ARFGEF2: variants seen among roughly 807,000 people sequenced by gnomAD.
ARFGEF2 encodes brefeldin A-inhibited guanine nucleotide-exchange protein 2.
In ARFGEF2, 74 loss-of-function variants were observed where a neutral mutation model predicts 219.9. The ratio of observed to expected loss-of-function variants is 0.34; its 90% CI spans 0.28 to 0.41. The LOEUF is 0.41. ARFGEF2 is among the 10% of genes least tolerant of loss of function. ARFGEF2 has a pLI of 1.00. For synonymous variants in ARFGEF2, 733 were observed against 799.2 expected (o/e 0.92, Z 1.40); for missense variants, 1,743 against 2,218.3 (o/e 0.79, Z 4.30).
chr20:48,927,508 G>A (rs927042115), intron 1 of ARFGEF2, among the ~76,000 whole-genome samples: 3 of 152,082 alleles, frequency 2.0e-5, no homozygotes, highest in Non-Finnish European at 4.4e-5. Context: ...GGCCAAAATG[G>A]CGAAACCCCA....
At position 49,013,655 on chromosome 20, in the gene ARFGEF2, C is replaced by T. The variant is rs369847284; in HGVS notation, c.4010C>T (p.Ser1337Phe). The T allele has an allele frequency of 1.8e-5, 29 of 1,614,062 alleles. No homozygotes were observed. The highest frequency in any genetic ancestry group is 2.5e-5 in the Non-Finnish European group (29 of 1,180,042). The change falls in exon 29 of 39, where the codon TCC becomes TTC. Residue 1337 changes from serine (S) to phenylalanine (F), a missense_variant. By Grantham distance (155) the Ser-to-Phe change is radical (BLOSUM62 -2). Coordinates refer to ENST00000371917, the MANE Select transcript of ARFGEF2 (RefSeq NM_006420.3). ...RGWFPILFELSCIINRCKLDV... is the reference protein window; with the variant it reads ...RGWFPILFELFCIINRCKLDV... ...TGGTTCCCCATCTTATTCGAACTCT[C>T]CTGCATCATTAATAGATGCAAGTTA...
intron 20 of ARFGEF2, 78 bp from the exon 21 acceptor site, chr20:48,990,962 G>T: frequency 6.6e-7 from 1 of 1,510,278 alleles, no homozygotes; most frequent in Non-Finnish European, 9.1e-7. Context: ...GAGAAGCCCA[G>T]TGTGCCAGCC....
Position 48,991,127 on chromosome 20 carries a change from A to T in ARFGEF2, c.2902A>T (p.Ile968Phe). The stretch of plus-strand genomic sequence containing the variant: ...CATCACAGAAATGAAGCAGAAAAAC[A>T]TCGACACCATTAAGACGCTTATCAC... The part of the protein sequence containing the change: ...SSITEMKQKN[I>F]DTIKTLITVA... Residue 968 changes from isoleucine to phenylalanine, a missense_variant, in exon 21 of 39, where the codon ATC (isoleucine) becomes TTC (phenylalanine). This residue lies in a region of ARFGEF2 where 666 missense variants were observed against 955.4 expected (regional missense o/e 0.70). Transcript: ENST00000371917. 1 of 1,614,190 alleles carries T rather than the reference A, an allele frequency of 6.2e-7. No homozygotes were observed. Among genetic ancestry groups the T allele is most frequent in the Non-Finnish European group, 8.5e-7 (1 of 1,180,040 alleles).
chr20:48,937,345 C>G, intron 1 of ARFGEF2, among the ~76,000 whole-genome samples: 1 of 152,214 alleles, frequency 6.6e-6, no homozygotes, highest in Non-Finnish European at 1.5e-5. Context: ...ACAAAGATGC[C>G]GTTATCATCT....
intron 35 of ARFGEF2, among the ~76,000 whole-genome samples, chr20:49,024,264 T>C (rs1222109358): frequency 6.6e-6 from 1 of 152,158 alleles, no homozygotes; most frequent in Non-Finnish European, 1.5e-5. Context: ...TGCACCACCA[T>C]GCCTGGCCTA....
chr20:49,011,669 A>C (rs1248813683), intron 27 of ARFGEF2, among the ~76,000 whole-genome samples: 1 of 152,232 alleles, frequency 6.6e-6, no homozygotes, highest in Non-Finnish European at 1.5e-5. Context: ...TAAATGAATG[A>C]ATTGATATTT....
In ARFGEF2 at chr20:48,952,895, G is replaced by A. The variant is rs2091080077; in HGVS notation, c.603+11G>A. 1 of 1,613,646 alleles carries A rather than the reference G, an allele frequency of 6.2e-7. No homozygotes were observed. ...ATGGAAAACCAAGTGGTGAGTGACA[G>A]CACTTACGTGCTAGGGGCAAGACAT... is the stretch of plus-strand genomic sequence containing the variant. On this transcript the variant is annotated intron_variant, in intron 5 of 38. Transcript: ENST00000371917.
chr20:48,952,220 A>G (rs1600603621), intron 4 of ARFGEF2, among the ~76,000 whole-genome samples: 1 of 130,480 alleles, frequency 7.7e-6, no homozygotes, highest in Non-Finnish European at 1.5e-5. Flanking sequence ...CAGTGGTGCA[A>G]TCTCGGCTCG....
intron 31 of ARFGEF2, 66 bp downstream of exon 31, chr20:49,016,481 A>G (rs2091530908): frequency 5.8e-6 from 9 of 1,555,480 alleles, no homozygotes; most frequent in East Asian, 4.5e-5. Context: ...AGTTTTTTCA[A>G]TATTTAAAAG....
intron 6 of ARFGEF2, among the ~76,000 whole-genome samples, chr20:48,960,027 G>A (rs978966711): frequency 3.3e-5 from 5 of 152,118 alleles, no homozygotes; most frequent in Non-Finnish European, 5.9e-5. Context: ...GTAAATACTC[G>A]CAGTCATGCA....
At chr20:48,968,283 G>A (rs1418606153) in intron 8 of ARFGEF2, among the ~76,000 whole-genome samples, 3 of 151,422 alleles carry the variant, frequency 2.0e-5, no homozygotes, top group East Asian at 2.0e-4. Context: ...GTGAGCCACC[G>A]TGCCTGGCCA....
At chr20:48,968,104 C>T (rs1195739537) in intron 8 of ARFGEF2, among the ~76,000 whole-genome samples, 1 of 152,054 alleles carries the variant, frequency 6.6e-6, no homozygotes, top group African/African-American at 2.4e-5. Flanking sequence ...TGCCATTCTC[C>T]TGCCTTAGCC....
chr20:48,951,393 A>G lies in ARFGEF2; in HGVS notation c.347A>G (p.Asp116Gly). ...DSGAPGKRLI[D>G]RIVETICSCF... Reference sequence around the variant, plus strand: ...GGAGCCCCTGGGAAGCGGCTGATCGACAGAATTGTTGAAACCATTTGCAGT... The same window carrying G: ...GGAGCCCCTGGGAAGCGGCTGATCGGCAGAATTGTTGAAACCATTTGCAGT... Residue 116 changes from aspartate (D) to glycine (G), a missense_variant, in exon 4 of 39, where the codon GAC (aspartate) becomes GGC (glycine). By Grantham distance (94) the Asp-to-Gly change is moderately conservative (BLOSUM62 -1). Transcript: ENST00000371917. The G allele has an allele frequency of 1.9e-6, 3 of 1,614,216 alleles. No individual in the cohort carries two copies. The highest frequency in any genetic ancestry group is 2.5e-6 in the Non-Finnish European group (3 of 1,180,042).
At position 49,035,561 on chromosome 20, in the gene ARFGEF2, T is replaced by C. The variant is rs949293723; in HGVS notation, c.*2362T>C. 2.6e-5 allele frequency: 4 copies of C among 152,204 alleles called. No individual in the cohort carries two copies. The highest frequency in any genetic ancestry group is 9.6e-5 in the African/African-American group (4 of 41,456). 9.4% of individuals were successfully genotyped at this position (152,204 alleles called of 1,614,324 possible). A position where few individuals can be genotyped will look rare whatever the true frequency, so the allele number is the denominator to read the frequency against. Reference sequence around the variant, plus strand: ...TTATGAATAAATCTCTTCTTTCTCATGGTAAATGTGGCTTGTGCCACTCAA... The same window carrying C: ...TTATGAATAAATCTCTTCTTTCTCACGGTAAATGTGGCTTGTGCCACTCAA... On this transcript the variant is annotated 3_prime_UTR_variant, in exon 39 of 39. Coordinates refer to ENST00000371917, the MANE Select transcript of ARFGEF2 (RefSeq NM_006420.3).
At position 48,988,606 on chromosome 20, in the gene ARFGEF2, A is replaced by G; in HGVS notation, c.2477A>G (p.Lys826Arg). 1 of 1,613,888 alleles carries G rather than the reference A, an allele frequency of 6.2e-7. No individual in the cohort carries two copies. The highest frequency in any genetic ancestry group is 8.5e-7 in the Non-Finnish European group (1 of 1,179,900). ...ATCTATGAAGAGATAGAAGGCAAGAAAATTGCAATGAAAGAAACAAAAGAG... is the reference window on the plus strand; with the variant it reads ...ATCTATGAAGAGATAGAAGGCAAGAGAATTGCAATGAAAGAAACAAAAGAG... ...SSIYEEIEGKKIAMKETKELT... is the reference protein window; with the variant it reads ...SSIYEEIEGKRIAMKETKELT... The change falls in exon 18 of 39, where the codon AAA becomes AGA. Residue 826 changes from lysine to arginine, a missense_variant. By Grantham distance (26) the Lys-to-Arg change is conservative. This residue lies in a region of ARFGEF2 where 666 missense variants were observed against 955.4 expected (regional missense o/e 0.70). Coordinates refer to ENST00000371917, the MANE Select transcript of ARFGEF2 (RefSeq NM_006420.3).
chr20:49,021,934 G>C (rs1325362242), intron 34 of ARFGEF2, among the ~76,000 whole-genome samples: 1 of 150,760 alleles, frequency 6.6e-6, no homozygotes, highest in Non-Finnish European at 1.5e-5. Context: ...GATCACCTGA[G>C]GTCAGGAGTT....
At chr20:48,959,527 TTC>T (rs2091130472) in intron 6 of ARFGEF2, among the ~76,000 whole-genome samples, 2 of 15,506 alleles carry the variant, frequency 1.3e-4, no homozygotes, top group African/African-American at 2.6e-4. Flanking sequence ...CCCTCCCTCT[TTC>T]CCTCCCTCCC....
At chr20:49,019,436 GTCTA>G (rs1461201654) in intron 34 of ARFGEF2, among the ~76,000 whole-genome samples, 1 of 152,116 alleles carries the variant, frequency 6.6e-6, no homozygotes, top group Non-Finnish European at 1.5e-5. Flanking sequence ...TTATACGATT[GTCTA>G]TTATTCCAGT....
chr20:49,030,185 G>A (rs767278439), intron 37 of ARFGEF2, among the ~76,000 whole-genome samples: 28 of 151,938 alleles, frequency 1.8e-4, no homozygotes, highest in Non-Finnish European at 3.5e-4. Flanking sequence ...AGGGATGGGC[G>A]TGAGCCACTG....
Sources: gnomAD v4.1 joint callset for allele counts (sites outside exome capture counted in the v4.1 genomes callset) on GRCh38, gnomAD v4.1.1 for gene constraint, gnomAD v4.1.1 regional missense constraint, MANE v1.5 for transcripts, NCBI Gene and HGNC (gene_info 2026-07-23, HGNC 2026-07-21) for gene names.